The following CRNKL1 variants were observed in gnomAD, a reference collection of about 807,000 sequenced individuals.
The protein encoded by CRNKL1 is crooked neck pre-mRNA splicing factor 1.
In CRNKL1, 35 loss-of-function variants were observed where a neutral mutation model predicts 103.7. The ratio of observed to expected loss-of-function variants is 0.34; its 90% CI spans 0.26 to 0.45. The LOEUF (loss-of-function observed/expected upper bound fraction) is 0.45. CRNKL1 is among the 20% of genes least tolerant of loss of function. The pLI is 1.00. For synonymous variants in CRNKL1, 267 were observed against 282.6 expected, an observed-to-expected ratio of 0.94 and a Z score of 0.55; for missense variants, 645 against 836.0, an observed-to-expected ratio of 0.77 and a Z score of 2.82.
chr20:20,038,962 C>A (rs1276534644), intron 11 of CRNKL1, among the ~76,000 whole-genome samples: 1 of 152,204 alleles, frequency 6.6e-6, no homozygotes, highest in Non-Finnish European at 1.5e-5. Context: ...AGCTGGCAGT[C>A]TGGTGGAGGA....
rs2043415805 is a variant in CRNKL1 at position 20,036,181 on chromosome 20, C to T, written c.*14G>A. On this transcript the variant is annotated 3_prime_UTR_variant, in exon 14 of 14. Coordinates refer to ENST00000536226, the MANE Select transcript of CRNKL1 (RefSeq NM_001278628.2). ...TTTATAAAAATAACAAAACATTTGT[C>T]TATGAAAAAAAGATCAGGATTCACT... is the stretch of plus-strand genomic sequence containing the variant. The T allele has an allele frequency of 1.2e-6, 2 of 1,607,202 alleles. No homozygotes were observed. The highest frequency in any genetic ancestry group is 1.7e-6 in the Non-Finnish European group (2 of 1,176,908).
rs1258740915 is a variant in CRNKL1 at position 20,042,405 on chromosome 20, G to A, written c.1084C>T (p.Pro362Ser). The change falls in exon 8 of 14, where the codon CCC becomes TCC. Residue 362 changes from proline to serine, a missense_variant. Physicochemically the swap from Pro to Ser is moderately conservative, Grantham distance 74. Transcript: ENST00000536226. ...TTCCAGTGCCTCTTCTCCTGAATGG[G>A]TGGGACATTGGCAATGGCCCTTTCA... ...VYERAIANVP[P>S]IQEKRHWKRY... 6.2e-7 allele frequency: 1 copy of A among 1,614,086 alleles called. No individual in the cohort carries two copies. The highest frequency in any genetic ancestry group is 8.5e-7 in the Non-Finnish European group (1 of 1,179,990).
rs1369763091 is a variant in CRNKL1, at chr20:20,034,544, A to AACAT, written c.*1647_*1650dup. The stretch of plus-strand genomic sequence containing the variant: ...GAATTTTTTTCTTATGCATTCATGC[A>AACAT]ACATAAACAGATAATTCTAGGAAGA... On this transcript the variant is annotated 3_prime_UTR_variant, in exon 14 of 14. Coordinates refer to ENST00000536226, the MANE Select transcript of CRNKL1 (RefSeq NM_001278628.2). 5 of 128,728 alleles carry AACAT rather than the reference A, an allele frequency of 3.9e-5. No individual in the cohort carries two copies. The highest frequency in any genetic ancestry group is 1.2e-4 in the African/African-American group (5 of 40,244). The allele number at this position is 128,728 out of a possible 1,614,324, so 8.0% of individuals were successfully genotyped here.
At chr20:20,055,297 A>G (rs2146526838), upstream of CRNKL1, among the ~76,000 whole-genome samples, 1 of 152,348 alleles carries the variant, frequency 6.6e-6, no homozygotes, top group Admixed American at 6.5e-5. Context: ...TGTGTGGACT[A>G]GAATGCCATA....
chr20:20,048,607 T>C (rs2146501428), intron 3 of CRNKL1, 106 bp from the exon 4 acceptor site: 1 of 1,131,482 alleles, frequency 8.8e-7, no homozygotes. Context: ...GTGTCTACCA[T>C]GAGCCAAGTT....
chr20:20,039,702 T>C lies in CRNKL1; in HGVS notation c.1452A>G (p.Lys484=), dbSNP rs1242880348. Residue 484 remains lysine, a synonymous_variant, in exon 11 of 14, where the codon AAA becomes AAG. Coordinates refer to ENST00000536226, the MANE Select transcript of CRNKL1 (RefSeq NM_001278628.2). ...CAAGGATTGTCTCTAATTCAGCGAA[T>C]TTAATCCATGAGGTACAATTTTCAG... is the stretch of plus-strand genomic sequence containing the variant. ...FGPENCTSWI[K]FAELETILGD... 2 of 1,614,226 alleles carry C rather than the reference T, an allele frequency of 1.2e-6. No homozygotes were observed. Among genetic ancestry groups the C allele is most frequent in the Non-Finnish European group, 8.5e-7 (1 of 1,180,040 alleles).
intron 11 of CRNKL1, 40 bp downstream of exon 11, chr20:20,039,569 C>T (rs3748489): frequency 0.074 from 118,963 of 1,609,078 alleles, 4,941 homozygotes; most frequent in East Asian, 0.14. Flanking sequence ...AGACTAAACA[C>T]GTATCTCAAA....
intron 6 of CRNKL1, among the ~76,000 whole-genome samples, chr20:20,044,441 G>A (rs1460055603): frequency 6.6e-6 from 1 of 152,142 alleles, no homozygotes; most frequent in African/African-American, 2.4e-5. Flanking sequence ...GGGAATATTT[G>A]CATTATACTT....
At chr20:20,036,420 A>G in intron 13 of CRNKL1, 58 bp from the exon 14 acceptor site, 1 of 1,523,784 alleles carries the variant, frequency 6.6e-7, no homozygotes, top group Non-Finnish European at 9.0e-7. Context: ...CACATATCAG[A>G]GTGAAGAATT....
At chr20:20,043,727 A>G in intron 6 of CRNKL1, 65 bp from the exon 7 acceptor site, 1 of 1,447,048 alleles carries the variant, frequency 6.9e-7, no homozygotes, top group Non-Finnish European at 9.5e-7. Flanking sequence ...CAACTAGGAG[A>G]GTAAATATAA....
upstream of CRNKL1, chr20:20,052,474 C>G: frequency 6.2e-7 from 1 of 1,614,258 alleles, no homozygotes; most frequent in Non-Finnish European, 8.5e-7. Flanking sequence ...ACTTGCAGGA[C>G]TGACCTTTGA....
upstream of CRNKL1, chr20:20,052,668 C>T (rs751504038): frequency 5.0e-6 from 8 of 1,613,326 alleles, no homozygotes; most frequent in East Asian, 2.2e-5. Context: ...CCAGGTCAGC[C>T]TCCGGAACTG....
intron 12 of CRNKL1, among the ~76,000 whole-genome samples, chr20:20,038,032 A>C (rs1421110658): frequency 6.6e-6 from 1 of 151,882 alleles, no homozygotes; most frequent in Non-Finnish European, 1.5e-5. Context: ...GGTTGCAGTG[A>C]GCCGAGATAA....
rs561565484 is a variant in CRNKL1, at chr20:20,037,305, C to T, written c.1896+18G>A. On this transcript the variant is annotated intron_variant, in intron 13 of 13. Transcript: ENST00000536226. ...CTCATGTGACGTGAGATGAACAGTC[C>T]CAGGGCAGAGTTCTTACCCCATCAT... 1 of 1,610,348 alleles carries T rather than the reference C, an allele frequency of 6.2e-7. No homozygotes were observed. Among genetic ancestry groups the T allele is most frequent in the African/African-American group, 1.3e-5 (1 of 74,766 alleles).
chr20:20,052,766 G>A, upstream of CRNKL1: 1 of 1,545,684 alleles, frequency 6.5e-7, no homozygotes. Context: ...ATGCTCGAGG[G>A]CGGGGGAAGA....
At position 20,036,035 on chromosome 20, in the gene CRNKL1, C is replaced by G; in HGVS notation, c.*160G>C. ...AGTCCTTTACTTGCAATCCCTACCC[C>G]TAGCTAACCCAAGAGCATTTAAAAA... On this transcript the variant is annotated 3_prime_UTR_variant, in exon 14 of 14. Coordinates refer to ENST00000536226, the MANE Select transcript of CRNKL1 (RefSeq NM_001278628.2). 1 of 748,652 alleles carries G rather than the reference C, an allele frequency of 1.3e-6. No homozygotes were observed. 46.4% of individuals were successfully genotyped at this position (748,652 alleles called of 1,614,324 possible).
chr20:20,047,691 T>C lies in CRNKL1; in HGVS notation c.622+74A>G, dbSNP rs2043615235. 5.5e-6 allele frequency: 8 copies of C among 1,464,004 alleles called. No individual in the cohort carries two copies. The South Asian group carries it at 1.0e-4, about 19-fold the overall frequency. The allele number at this position is 1,464,004 out of a possible 1,614,324, so 90.7% of individuals were successfully genotyped here. A position where few individuals can be genotyped will look rare whatever the true frequency, so the allele number is the denominator to read the frequency against. ...CATTAATGACTGTGTGTCCTGATCA[T>C]GAGACATCTCTACAGGAGCAGCAGC... On this transcript the variant is annotated intron_variant, in intron 5 of 13. Transcript: ENST00000536226.
intron 8 of CRNKL1, among the ~76,000 whole-genome samples, 193 bp downstream of exon 8, chr20:20,042,132 G>A (rs530007600): frequency 3.2e-4 from 49 of 152,274 alleles, no homozygotes; most frequent in African/African-American, 1.2e-3. Context: ...AGCCCCTCAC[G>A]TGTGGCCACA....
rs200465830 is a variant in CRNKL1 at position 20,039,783 on chromosome 20, C to G, written c.1371G>C (p.Gln457His). The G allele has an allele frequency of 3.7e-6, 6 of 1,614,068 alleles. No individual in the cohort carries two copies. The highest frequency in any genetic ancestry group is 3.4e-6 in the Non-Finnish European group (4 of 1,180,026). Residue 457 changes from glutamine to histidine, a missense_variant, in exon 11 of 14, where the codon CAG (glutamine) becomes CAC (histidine). Around this residue, in one of 2 missense-constraint regions of CRNKL1, gnomAD observed 582 missense variants for 707.7 expected, o/e 0.82. Transcript: ENST00000536226. ...LFKVYIELEL[Q>H]LREFDRCRKL... ...TCCGGCATCTGTCAAATTCTCGAAGCTGTAGCTCCAATTCTATGTAAACTT... is the reference window on the plus strand; with the variant it reads ...TCCGGCATCTGTCAAATTCTCGAAGGTGTAGCTCCAATTCTATGTAAACTT...
Sources: allele counts gnomAD v4.1 joint callset (sites outside exome capture counted in the v4.1 genomes callset), GRCh38; gene constraint gnomAD v4.1.1; regional missense constraint gnomAD v4.1.1; transcripts MANE v1.5; gene names NCBI Gene and HGNC (gene_info 2026-07-23, HGNC 2026-07-21).